The following PPP1R16B variants were observed in gnomAD, a reference collection of about 807,000 sequenced individuals.
PPP1R16B encodes protein phosphatase 1 regulatory inhibitor subunit 16B.
In PPP1R16B, 14 loss-of-function variants were observed where a neutral mutation model predicts 61.7. That is an observed-to-expected ratio of 0.23 (90% CI 0.15 to 0.35). The LOEUF is 0.35. Among genes scored for constraint, PPP1R16B ranks in the 10% least tolerant of loss-of-function variants. The pLI, the probability that PPP1R16B is intolerant of heterozygous loss-of-function variation, is 1.00. For synonymous variants in PPP1R16B, 266 were observed against 305.3 expected (o/e 0.87, Z 1.34); for missense variants, 547 against 752.5 (o/e 0.73, Z 3.19).
At chr20:38,917,592 C>T (rs561297303) in intron 10 of PPP1R16B, among the ~76,000 whole-genome samples, 2 of 152,252 alleles carry the variant, frequency 1.3e-5, no homozygotes, top group African/African-American at 4.8e-5. Flanking sequence ...GGAAGGATTA[C>T]AAGTGACTGA....
At chr20:38,837,076 C>T (rs989511526) in intron 2 of PPP1R16B, among the ~76,000 whole-genome samples, 1 of 152,250 alleles carries the variant, frequency 6.6e-6, no homozygotes, top group Non-Finnish European at 1.5e-5. Context: ...CCTCTGAATG[C>T]TGTTCCGTGT....
intron 2 of PPP1R16B, among the ~76,000 whole-genome samples, chr20:38,873,565 A>G (rs2085144881): frequency 6.6e-6 from 1 of 152,052 alleles, no homozygotes; most frequent in Non-Finnish European, 1.5e-5. Flanking sequence ...TATGTGGGCC[A>G]AGGCCTGACT....
chr20:38,809,641 C>T lies in PPP1R16B; in HGVS notation c.-102+3849C>T, dbSNP rs546731545. Among the ~76,000 whole-genome samples the T allele has an allele frequency of 2.2e-4, 33 of 152,108 alleles. 1 individual carries two copies. In the South Asian group the frequency reaches 6.4e-3, roughly 30 times the overall value. On this transcript the variant is annotated intron_variant, in intron 1 of 10. Coordinates refer to ENST00000299824, the MANE Select transcript of PPP1R16B (RefSeq NM_015568.4). ...ACCTCTCAAGCAGATAAGCCACCTC[C>T]CTAAGATGATGATGTGAGGAGAGAA...
At chr20:38,820,585 G>A (rs1032742069) in intron 1 of PPP1R16B, among the ~76,000 whole-genome samples, 12 of 152,064 alleles carry the variant, frequency 7.9e-5, no homozygotes, top group Non-Finnish European at 1.8e-4. Context: ...TTTCTGTTGG[G>A]TGTATTCCTA....
At chr20:38,911,996 T>G (rs2085494561) in intron 10 of PPP1R16B, among the ~76,000 whole-genome samples, 1 of 152,148 alleles carries the variant, frequency 6.6e-6, no homozygotes, top group Admixed American at 6.5e-5. Context: ...AGGCATATGT[T>G]TAGCTTTAGT....
chr20:38,875,970 C>CTTTTT lies in PPP1R16B; in HGVS notation c.251-13609_251-13605dup, dbSNP rs34445273. Among the ~76,000 whole-genome samples, 25 of 104,154 alleles carry CTTTTT rather than the reference C, an allele frequency of 2.4e-4. 1 individual carries two copies. Among genetic ancestry groups the CTTTTT allele is most frequent in the Non-Finnish European group, 3.3e-4 (18 of 54,066 alleles). 68.3% of individuals were successfully genotyped at this position (104,154 alleles called of 152,430 possible). Reference sequence around the variant, plus strand: ...GGTGAAATGAGACTGTGGTTTTGAACTTTTTTTTTTTTTTTTTTTTGAGAT... The same window carrying CTTTTT: ...GGTGAAATGAGACTGTGGTTTTGAACTTTTTTTTTTTTTTTTTTTTTTTTTGAGAT... On this transcript the variant is annotated intron_variant, in intron 2 of 10. Coordinates refer to ENST00000299824, the MANE Select transcript of PPP1R16B (RefSeq NM_015568.4).
intron 2 of PPP1R16B, among the ~76,000 whole-genome samples, chr20:38,843,434 C>T (rs1290894039): frequency 6.6e-6 from 1 of 152,240 alleles, no homozygotes; most frequent in Admixed American, 6.5e-5. Context: ...AGATGGCTCA[C>T]TGGCATGGCT....
chr20:38,820,972 C>G (rs1409011719), intron 1 of PPP1R16B, among the ~76,000 whole-genome samples: 1 of 145,068 alleles, frequency 6.9e-6, no homozygotes, highest in Non-Finnish European at 1.5e-5. Flanking sequence ...ACCCAGGAGG[C>G]GGAGCTTGCA....
chr20:38,888,239 G>A (rs542487130), intron 2 of PPP1R16B, among the ~76,000 whole-genome samples: 13 of 152,348 alleles, frequency 8.5e-5, no homozygotes, highest in African/African-American at 2.6e-4. Flanking sequence ...GGGGGTGGGA[G>A]GAGGCTCAGA....
chr20:38,918,954 A>T lies in PPP1R16B; in HGVS notation c.*288A>T. 1 of 361,700 alleles carries T rather than the reference A, an allele frequency of 2.8e-6. No individual in the cohort carries two copies. Among genetic ancestry groups the T allele is most frequent in the Non-Finnish European group, 5.0e-6 (1 of 200,486 alleles). The allele number at this position is 361,700 out of a possible 1,614,324, so 22.4% of individuals were successfully genotyped here. A position where few individuals can be genotyped will look rare whatever the true frequency, so the allele number is the denominator to read the frequency against. On this transcript the variant is annotated 3_prime_UTR_variant, in exon 11 of 11. Coordinates refer to ENST00000299824, the MANE Select transcript of PPP1R16B (RefSeq NM_015568.4). The surrounding 1 kb of genome is among the most constrained non-coding windows in gnomAD (Gnocchi z 5.3). ...AGGGTGGGCTTGAGATCCCAGCTCT[A>T]TTCTTGGTATAAAGGCTTCTCCGGA...
intron 2 of PPP1R16B, among the ~76,000 whole-genome samples, chr20:38,865,606 A>G (rs1243616460): frequency 6.6e-6 from 1 of 152,122 alleles, no homozygotes; most frequent in African/African-American, 2.4e-5. Flanking sequence ...CATTCTTTAG[A>G]TGCGTCACCT....
Position 38,917,554 on chromosome 20 carries a change from T to A in PPP1R16B, c.1195-603T>A, listed in dbSNP as rs1353948451. On this transcript the variant is annotated intron_variant, in intron 10 of 10. Coordinates refer to ENST00000299824, the MANE Select transcript of PPP1R16B (RefSeq NM_015568.4). Reference sequence around the variant, plus strand: ...GGTGTACAGGATCCCTGGGTAAGAATCTTTGTGAGATATGCTTCATATACA... The same window carrying A: ...GGTGTACAGGATCCCTGGGTAAGAAACTTTGTGAGATATGCTTCATATACA... 3.3e-5 allele frequency among the ~76,000 whole-genome samples: 5 copies of A among 152,186 alleles called. No individual in the cohort carries two copies. In the East Asian group the frequency reaches 9.6e-4, roughly 29 times the overall value.
At chr20:38,813,204 A>G (rs2084712352) in intron 1 of PPP1R16B, among the ~76,000 whole-genome samples, 2 of 152,234 alleles carry the variant, frequency 1.3e-5, no homozygotes, top group South Asian at 4.1e-4. Context: ...AGACTTGACA[A>G]AGAGGATGCT....
chr20:38,856,152 T>G (rs991587717), intron 2 of PPP1R16B, among the ~76,000 whole-genome samples: 1 of 151,208 alleles, frequency 6.6e-6, no homozygotes, highest in Admixed American at 6.6e-5. Context: ...GAGAATTGGA[T>G]AATGAAGAAG....
intron 2 of PPP1R16B, among the ~76,000 whole-genome samples, chr20:38,860,459 A>G (rs776167117): frequency 2.0e-5 from 3 of 152,246 alleles, no homozygotes; most frequent in East Asian, 1.9e-4. Context: ...CAGATTAGCC[A>G]TATTTCAAGT....
At chr20:38,890,175 C>T (rs148452634) in intron 3 of PPP1R16B, among the ~76,000 whole-genome samples, 25 of 152,342 alleles carry the variant, frequency 1.6e-4, no homozygotes, top group African/African-American at 5.8e-4. Flanking sequence ...TCACCTTTCA[C>T]GTGGATGCTG....
Position 38,836,171 on chromosome 20 carries a change from G to T in PPP1R16B, c.246G>T (p.Glu82Asp). ...LLEASLRNDA[E>D]EVRYFLKNKV... is the part of the protein sequence containing the mutation. ...AGGCCTCGCTGAGGAACGACGCCGA[G>T]GAAGGTAGGCCCCTCTGTGCCTTGG... The change falls in exon 2 of 11, where the codon GAG (glutamate) becomes GAT (aspartate). Residue 82 changes from glutamate (E) to aspartate (D), a missense_variant. Physicochemically the swap from Glu to Asp is conservative, Grantham distance 45 (BLOSUM62 2). Coordinates refer to ENST00000299824, the MANE Select transcript of PPP1R16B (RefSeq NM_015568.4). 6.2e-7 allele frequency: 1 copy of T among 1,609,394 alleles called. No individual in the cohort carries two copies. Among genetic ancestry groups the T allele is most frequent in the South Asian group, 1.1e-5 (1 of 90,790 alleles).
At chr20:38,903,579 GTCCATCCATCCATCCA>G (rs1158511381) in intron 6 of PPP1R16B, among the ~76,000 whole-genome samples, 1 of 97,390 alleles carries the variant, frequency 1.0e-5, no homozygotes, top group Non-Finnish European at 2.2e-5. Flanking sequence ...CCGTCCGTCC[GTCCATCCATCCATCCA>G]TCCATCCATC....
At chr20:38,898,144 G>T (rs2085363809) in intron 4 of PPP1R16B, among the ~76,000 whole-genome samples, 1 of 152,180 alleles carries the variant, frequency 6.6e-6, no homozygotes, top group South Asian at 2.1e-4. Flanking sequence ...CATGGGTCCA[G>T]TTTGAATTAA....
Sources: gnomAD v4.1 joint callset for allele counts (sites outside exome capture counted in the v4.1 genomes callset) on GRCh38, gnomAD v4.1.1 for gene constraint, Gnocchi (gnomAD v3.1) non-coding constraint, MANE v1.5 for transcripts, NCBI Gene and HGNC (gene_info 2026-07-23, HGNC 2026-07-21) for gene names.